The following FAT1 variants were observed in gnomAD, a reference collection of about 807,000 sequenced individuals.
FAT1 encodes the protein protocadherin Fat 1.
In FAT1, 171 loss-of-function variants were observed where a neutral mutation model predicts 329.8. The ratio of observed to expected loss-of-function variants is 0.52; its 90% confidence interval spans 0.46 to 0.59. FAT1 has a LOEUF of 0.59. FAT1 is among the 20% of genes least tolerant of loss of function. FAT1 has a pLI of 0.00. For missense variants in FAT1, 5,672 were observed against 5,774.4 expected, an observed-to-expected ratio of 0.98 and a Z score of 0.57; for synonymous variants, 2,233 against 2,228.6, an observed-to-expected ratio of 1.00 and a Z score of -0.06.
intron 3 of FAT1, among the ~76,000 whole-genome samples, chr4:186,651,541 G>A (rs1046040113): frequency 3.3e-5 from 5 of 152,152 alleles, no homozygotes; most frequent in African/African-American, 4.8e-5. Context: ...GCCTGGTTCT[G>A]TGGTGGATAC....
At position 186,603,812 on chromosome 4, in the gene FAT1, G is replaced by T. The variant is rs2126433712; in HGVS notation, c.10714C>A (p.Gln3572Lys). The stretch of plus-strand genomic sequence containing the variant: ...TAGGTTAGAGTATCATACACGTCCT[G>T]GTCTGTGGCATGGATCTTCCCAATG... Reference protein sequence around the residue: ...GVIGKIHATDQDVYDTLTYSL... With the variant: ...GVIGKIHATDKDVYDTLTYSL... The change falls in exon 19 of 27, where the codon CAG becomes AAG. Residue 3572 changes from glutamine to lysine, a missense_variant. This residue lies in a region of FAT1 where 1,706 missense variants were observed against 1,859.1 expected (regional missense o/e 0.92). Transcript: ENST00000441802. The T allele has an allele frequency of 6.2e-7, 1 of 1,613,854 alleles. No homozygotes were observed. Among genetic ancestry groups the T allele is most frequent in the Non-Finnish European group, 8.5e-7 (1 of 1,179,894 alleles).
intron 2 of FAT1, among the ~76,000 whole-genome samples, chr4:186,695,659 G>A (rs144205650): frequency 1.6e-4 from 24 of 151,730 alleles, no homozygotes; most frequent in African/African-American, 4.8e-4. Context: ...ATACAGACAC[G>A]GACAGAGTCC....
At chr4:186,658,754 T>C (rs1409035722) in intron 3 of FAT1, among the ~76,000 whole-genome samples, 1 of 152,082 alleles carries the variant, frequency 6.6e-6, no homozygotes, top group African/African-American at 2.4e-5. Context: ...ATCTTCACAA[T>C]CAGCCCAGTA....
chr4:186,677,466 A>T (rs186603690), intron 2 of FAT1, among the ~76,000 whole-genome samples: 1 of 151,316 alleles, frequency 6.6e-6, no homozygotes, highest in East Asian at 1.9e-4. Flanking sequence ...TATTAATCCC[A>T]TAACTCCCGT....
intron 10 of FAT1, 132 bp downstream of exon 10, chr4:186,617,576 C>A (rs571435724): frequency 2.7e-6 from 2 of 731,206 alleles, no homozygotes; most frequent in African/African-American, 1.8e-5. Context: ...GTTATTTCTA[C>A]GTATTATTTT....
chr4:186,720,275 GT>G (rs1248216006), intron 1 of FAT1, among the ~76,000 whole-genome samples: 2 of 151,818 alleles, frequency 1.3e-5, no homozygotes, highest in Non-Finnish European at 2.9e-5. Context: ...TCTCTTCAAC[GT>G]TTCTTTCTTT....
At chr4:186,689,863 C>T (rs563997686) in intron 2 of FAT1, among the ~76,000 whole-genome samples, 43 of 152,262 alleles carry the variant, frequency 2.8e-4, no homozygotes, top group Non-Finnish European at 5.0e-4. Flanking sequence ...CTCTTAATAT[C>T]CAGAGGAAAA....
intron 3 of FAT1, among the ~76,000 whole-genome samples, chr4:186,646,350 T>C (rs915991826): frequency 5.9e-5 from 9 of 152,216 alleles, no homozygotes; most frequent in African/African-American, 2.2e-4. Context: ...TCCGCCCTTT[T>C]ATTTTACAAT....
rs1437001305 is a variant in FAT1 at position 186,707,429 on chromosome 4, G to A, written c.2399C>T (p.Pro800Leu). The A allele has an allele frequency of 6.2e-7, 1 of 1,613,926 alleles. No individual in the cohort carries two copies. Among genetic ancestry groups the A allele is most frequent in the Non-Finnish European group, 8.5e-7 (1 of 1,179,894 alleles). Residue 800 changes from proline (P) to leucine (L), a missense_variant, in exon 2 of 27, where the codon CCC (proline) becomes CTC (leucine). Physicochemically the swap from Pro to Leu is moderately conservative, Grantham distance 98. Coordinates refer to ENST00000441802, the MANE Select transcript of FAT1 (RefSeq NM_005245.4). ...TAGAAGACGCCACGCAGCCTTCTGG[G>A]GTATCCCAAGGTCATAGACGGTAAT... ...LNITVYDLGIPQKAAWRLLHV... is the reference protein window; with the variant it reads ...LNITVYDLGILQKAAWRLLHV...
intron 9 of FAT1, 121 bp from the exon 10 acceptor site, chr4:186,621,896 G>T: frequency 1.6e-6 from 1 of 630,508 alleles, no homozygotes; most frequent in South Asian, 2.5e-5. Flanking sequence ...CAGAAACTCA[G>T]GGGATGTCAA....
chr4:186,716,887 G>A (rs1358874505), intron 1 of FAT1, among the ~76,000 whole-genome samples: 2 of 152,026 alleles, frequency 1.3e-5, no homozygotes, highest in Admixed American at 6.6e-5. Flanking sequence ...GGGTTCAAGC[G>A]ATTCTCATGC....
At chr4:186,609,091 C>G (rs1739271859) in intron 16 of FAT1, 92 bp downstream of exon 16, 1 of 1,482,346 alleles carries the variant, frequency 6.7e-7, no homozygotes, top group African/African-American at 1.4e-5. Context: ...GTCAGTCCTG[C>G]TCACACCACG....
rs2126697434 is a variant in FAT1 at position 186,708,565 on chromosome 4, A to G, written c.1263T>C (p.Ser421=). Residue 421 remains serine (S), a synonymous_variant, in exon 2 of 27, where the codon TCT becomes TCC. Transcript: ENST00000441802. The part of the protein sequence containing the change: ...FSLNYNTGLI[S]ILEPVKRQQA... The stretch of plus-strand genomic sequence containing the variant: ...GCTGTCTTTTAACTGGTTCTAAAAT[A>G]GAAATGAGACCAGTGTTGTAATTTA... 1.2e-6 allele frequency: 2 copies of G among 1,613,992 alleles called. No homozygotes were observed. The highest frequency in any genetic ancestry group is 4.5e-5 in the East Asian group (2 of 44,874).
chr4:186,592,037 A>G (rs943545000), intron 26 of FAT1, among the ~76,000 whole-genome samples: 8 of 152,200 alleles, frequency 5.3e-5, no homozygotes, highest in African/African-American at 1.9e-4. Flanking sequence ...AGAACCAGCA[A>G]TTGGGCTTTT....
chr4:186,724,751 CCCGGAGGG>C (rs906581716), upstream of FAT1, among the ~76,000 whole-genome samples: 1 of 152,218 alleles, frequency 6.6e-6, no homozygotes, highest in African/African-American at 2.4e-5. This position sits in a 1 kb window ranked among gnomAD's most constrained non-coding sequence, Gnocchi z 5.3. Context: ...TCGGCCGAAG[CCCGGAGGG>C]CCGGAGGCGC....
chr4:186,604,782 A>AAGG (rs764013145), intron 17 of FAT1, among the ~76,000 whole-genome samples: 152 of 117,172 alleles, frequency 1.3e-3, no homozygotes, highest in Admixed American at 3.2e-3. Flanking sequence ...AGGGAAGAAA[A>AAGG]AGGAGGATGA....
chr4:186,602,949 C>T lies in FAT1; in HGVS notation c.11436G>A (p.Glu3812=), dbSNP rs374433099. ...GSECVSDPWE[E]KHTCVCPSGR... ...CGCTGGGACAGACACAGGTGTGTTT[C>T]TCCTCCCAGGGATCAGACACACATT... is the stretch of plus-strand genomic sequence containing the variant. The change falls in exon 20 of 27, where the codon GAG becomes GAA. Residue 3812 remains glutamate, a synonymous_variant. Coordinates refer to ENST00000441802, the MANE Select transcript of FAT1 (RefSeq NM_005245.4). The T allele has an allele frequency of 2.3e-5, 37 of 1,613,880 alleles. No individual in the cohort carries two copies. The highest frequency in any genetic ancestry group is 3.1e-5 in the Non-Finnish European group (37 of 1,179,892).
chr4:186,623,350 T>C (rs1160744066), intron 9 of FAT1, among the ~76,000 whole-genome samples: 1 of 152,182 alleles, frequency 6.6e-6, no homozygotes, highest in African/African-American at 2.4e-5. Context: ...CCAAGATCCT[T>C]TTCTCATCCC....
intron 18 of FAT1, 64 bp downstream of exon 18, chr4:186,604,313 G>C (rs1199297063): frequency 1.5e-5 from 21 of 1,365,876 alleles, no homozygotes; most frequent in Non-Finnish European, 2.0e-5. Flanking sequence ...TAGAAGAGGG[G>C]AACCACGCCA....
Sources: allele counts gnomAD v4.1 joint callset (sites outside exome capture counted in the v4.1 genomes callset), GRCh38; gene constraint gnomAD v4.1.1; regional missense constraint gnomAD v4.1.1; non-coding constraint Gnocchi (gnomAD v3.1); transcripts MANE v1.5; gene names NCBI Gene and HGNC (gene_info 2026-07-23, HGNC 2026-07-21).